Variants in CYP4F2 observed in about 807,000 individuals in gnomAD.
CYP4F2 encodes the protein cytochrome P450 4F2.
A neutral mutation model predicts 58.9 loss-of-function variants in CYP4F2; 58 were observed. That is an observed-to-expected ratio of 0.98 (90% CI 0.80 to 1.23). The LOEUF (loss-of-function observed/expected upper bound fraction) is 1.23. Ranked by LOEUF, CYP4F2 falls within the 50% of genes most tolerant of loss-of-function variation. The probability of loss-of-function intolerance (pLI) is 0.00; values close to 1 mark genes in which losing one functional copy is unlikely to be tolerated. For synonymous variants in CYP4F2, 287 were observed against 261.1 expected, an observed-to-expected ratio of 1.10 and a Z score of -0.95; for missense variants, 616 against 685.6, an observed-to-expected ratio of 0.90 and a Z score of 1.13.
chr19:15,893,467 C>A (rs1377948846), intron 3 of CYP4F2, among the ~76,000 whole-genome samples: 1 of 152,160 alleles, frequency 6.6e-6, no homozygotes, highest in Admixed American at 6.5e-5. Flanking sequence ...GAATTATATA[C>A]CAGATGTAAC....
intron 2 of CYP4F2, 34 bp from the exon 3 acceptor site, chr19:15,895,684 A>G: frequency 6.3e-7 from 1 of 1,578,848 alleles, no homozygotes; most frequent in Non-Finnish European, 8.6e-7. Context: ...ACCTTCTGTG[A>G]TAGTTAATTC....
At chr19:15,893,397 C>T (rs1371293996) in intron 3 of CYP4F2, among the ~76,000 whole-genome samples, 2 of 152,130 alleles carry the variant, frequency 1.3e-5, no homozygotes, top group Non-Finnish European at 2.9e-5. Flanking sequence ...CTCACATGCC[C>T]CAAATGTCCT....
chr19:15,886,993 C>T (rs573208692), intron 7 of CYP4F2, among the ~76,000 whole-genome samples: 1 of 152,322 alleles, frequency 6.6e-6, no homozygotes, highest in East Asian at 1.9e-4. Context: ...TGCCACAATC[C>T]CACTCTGGCT....
At chr19:15,897,808 C>A (rs950249128) in intron 1 of CYP4F2, 196 bp from the exon 2 acceptor site, 5 of 605,180 alleles carry the variant, frequency 8.3e-6, no homozygotes, top group Non-Finnish European at 1.4e-5. Context: ...CCTCCAGTTC[C>A]CTAGTAAGCA....
At chr19:15,889,099 C>T (rs1023308687) in intron 7 of CYP4F2, among the ~76,000 whole-genome samples, 3 of 152,112 alleles carry the variant, frequency 2.0e-5, no homozygotes, top group African/African-American at 7.2e-5. Flanking sequence ...CAAACAGAGA[C>T]AAAGATATAG....
At chr19:15,880,386 T>C (rs2089336514) in intron 9 of CYP4F2, among the ~76,000 whole-genome samples, 1 of 152,124 alleles carries the variant, frequency 6.6e-6, no homozygotes, top group Non-Finnish European at 1.5e-5. Context: ...CCCAGCACTT[T>C]GGGAGGCTAA....
At chr19:15,888,599 G>A (rs2145008123) in intron 7 of CYP4F2, among the ~76,000 whole-genome samples, 1 of 151,366 alleles carries the variant, frequency 6.6e-6, no homozygotes, top group Middle Eastern at 3.5e-3. Context: ...CATAGACACA[G>A]ATATAGACAC....
Position 15,878,843 on chromosome 19 carries a change from C to T in CYP4F2, c.1491G>A (p.Glu497=), listed in dbSNP as rs931834375. The change falls in exon 13 of 13, where the codon GAG becomes GAA. Residue 497 remains glutamate, a synonymous_variant. Transcript: ENST00000221700. ...LRFRVLPDHT[E]PRRKPELVLR... Reference sequence around the variant, plus strand: ...GGACCAGCTCCGGCTTCCTGCGGGGCTCGGTGTGGTCAGGCAGGACGCGGA... The same window carrying T: ...GGACCAGCTCCGGCTTCCTGCGGGGTTCGGTGTGGTCAGGCAGGACGCGGA... The T allele has an allele frequency of 9.9e-6, 16 of 1,614,042 alleles. No individual in the cohort carries two copies. Among genetic ancestry groups the T allele is most frequent in the South Asian group, 3.3e-5 (3 of 91,066 alleles).
intron 12 of CYP4F2, 35 bp downstream of exon 12, chr19:15,879,311 A>T (rs1482836849): frequency 1.9e-6 from 3 of 1,611,270 alleles, no homozygotes; most frequent in African/African-American, 1.3e-5. Context: ...TGCACCCATC[A>T]ACCCGTTCCC....
At chr19:15,892,458 A>C in intron 4 of CYP4F2, 22 bp from the exon 5 acceptor site, 1 of 1,614,126 alleles carries the variant, frequency 6.2e-7, no homozygotes, top group South Asian at 1.1e-5. Context: ...GCCAAGGGCC[A>C]TGGGCAAGGA....
intron 2 of CYP4F2, among the ~76,000 whole-genome samples, chr19:15,896,080 C>T (rs910746395): frequency 6.6e-6 from 1 of 151,534 alleles, no homozygotes; most frequent in Non-Finnish European, 1.5e-5. Context: ...ATCCATCCAT[C>T]CATCCATCCA....
chr19:15,880,009 A>T, intron 9 of CYP4F2, 112 bp from the exon 10 acceptor site: 1 of 1,565,986 alleles, frequency 6.4e-7, no homozygotes, highest in Non-Finnish European at 8.6e-7. Context: ...TAAACTTTTA[A>T]CAAGAATTGT....
chr19:15,885,725 A>C lies in CYP4F2; in HGVS notation c.1115+199T>G, dbSNP rs536024488. On this transcript the variant is annotated intron_variant, in intron 9 of 12. Transcript: ENST00000221700. Reference sequence around the variant, plus strand: ...TCATCACCAACTCTCTCAGAAGCCCAGGTCTTTCTGTCCTAAGGGCCTATA... The same window carrying C: ...TCATCACCAACTCTCTCAGAAGCCCCGGTCTTTCTGTCCTAAGGGCCTATA... 4.7e-4 allele frequency among the ~76,000 whole-genome samples: 72 copies of C among 152,224 alleles called. 1 individual carries two copies. Among genetic ancestry groups the C allele is most frequent in the African/African-American group, 1.7e-3 (71 of 41,546 alleles).
intron 3 of CYP4F2, among the ~76,000 whole-genome samples, chr19:15,893,543 A>G (rs747807128): frequency 2.6e-5 from 4 of 152,230 alleles, no homozygotes; most frequent in South Asian, 4.1e-4. Context: ...ACCTGGCCAT[A>G]TAACAGCCAT....
Position 15,895,646 on chromosome 19 carries a change from T to C in CYP4F2, c.203A>G (p.Asn68Ser), listed in dbSNP as rs766701098. 1.6e-5 allele frequency: 25 copies of C among 1,595,382 alleles called. No individual in the cohort carries two copies. Among genetic ancestry groups the C allele is most frequent in the East Asian group, 4.6e-5 (2 of 43,108 alleles). The change falls in exon 3 of 13, where the codon AAC becomes AGC. Residue 68 changes from asparagine to serine, a missense_variant. Asn to Ser is a conservative substitution (Grantham distance 46). Transcript: ENST00000221700. Reference protein sequence around the residue: ...NWFWGHQGMVNPTEEGMRVLT... With the variant: ...NWFWGHQGMVSPTEEGMRVLT... The stretch of plus-strand genomic sequence containing the variant: ...AACTCTCATGCCCTCCTCTGTGGGG[T>C]TGACCTGCAAGCAAGGCAGGGGTCA...
At chr19:15,882,069 C>A (rs2089349203) in intron 9 of CYP4F2, among the ~76,000 whole-genome samples, 1 of 151,838 alleles carries the variant, frequency 6.6e-6, no homozygotes. Context: ...ATGGTGAAAC[C>A]CCGTCTCTAA....
chr19:15,895,705 C>A (rs2089443675), intron 2 of CYP4F2, 55 bp from the exon 3 acceptor site: 1 of 1,567,580 alleles, frequency 6.4e-7, no homozygotes, highest in African/African-American at 1.4e-5. Flanking sequence ...TAGGTGTCTA[C>A]TTGACTGGGC....
chr19:15,881,452 TAA>T (rs1469928180), intron 9 of CYP4F2, among the ~76,000 whole-genome samples: 1 of 151,736 alleles, frequency 6.6e-6, no homozygotes, highest in African/African-American at 2.4e-5. Context: ...AGATAATAAA[TAA>T]GAGATATAGA....
chr19:15,892,688 C>G, intron 3 of CYP4F2, 106 bp from the exon 4 acceptor site: 2 of 1,506,096 alleles, frequency 1.3e-6, no homozygotes, highest in Admixed American at 2.1e-5. Flanking sequence ...CCACTCTGAG[C>G]CCCACATAGC....
Sources: gnomAD v4.1 joint callset for allele counts (sites outside exome capture counted in the v4.1 genomes callset) on GRCh38, gnomAD v4.1.1 for gene constraint, MANE v1.5 for transcripts, NCBI Gene and HGNC (gene_info 2026-07-23, HGNC 2026-07-21) for gene names.